ACOXL: variants seen among roughly 807,000 people sequenced by gnomAD.
The protein encoded by ACOXL is acyl-coenzyme A oxidase-like protein.
A neutral mutation model predicts 71.9 loss-of-function variants in ACOXL; 70 were observed. That is an observed-to-expected ratio of 0.97 (90% CI 0.80 to 1.19). The LOEUF is 1.19. Ranked by LOEUF, ACOXL falls within the 50% of genes most tolerant of loss-of-function variation. The pLI, the probability that ACOXL is intolerant of heterozygous loss-of-function variation, is 0.00. For synonymous variants in ACOXL, 253 were observed against 281.6 expected (o/e 0.90, Z 1.02); for missense variants, 703 against 736.3 (o/e 0.95, Z 0.52).
chr2:110,872,834 T>C (rs1695437950), intron 10 of ACOXL, among the ~76,000 whole-genome samples: 1 of 152,182 alleles, frequency 6.6e-6, no homozygotes, highest in Non-Finnish European at 1.5e-5. Context: ...AGGGGCTGCT[T>C]GTTAGCAAAC....
At chr2:110,990,832 C>A (rs1247102491) in intron 13 of ACOXL, among the ~76,000 whole-genome samples, 2 of 152,154 alleles carry the variant, frequency 1.3e-5, no homozygotes, top group Non-Finnish European at 2.9e-5. Context: ...ACTACCCTTG[C>A]ATGCTTAAGA....
At chr2:111,071,846 G>T (rs551835975) in intron 16 of ACOXL, among the ~76,000 whole-genome samples, 2 of 152,288 alleles carry the variant, frequency 1.3e-5, no homozygotes, top group South Asian at 4.1e-4. Flanking sequence ...TTCCACAAAT[G>T]CACACTGAGC....
At chr2:110,828,207 A>G (rs566459182) in intron 9 of ACOXL, among the ~76,000 whole-genome samples, 1 of 152,292 alleles carries the variant, frequency 6.6e-6, no homozygotes, top group East Asian at 1.9e-4. Flanking sequence ...CCTGAGCTCA[A>G]GCAATCCACC....
Position 110,801,671 on chromosome 2 carries a change from TGG to T in ACOXL, c.569_570del (p.Gly190AspfsTer5), listed in dbSNP as rs1686021077. The T allele has an allele frequency of 6.2e-7, 1 of 1,614,018 alleles. No individual in the cohort carries two copies. Among genetic ancestry groups the T allele is most frequent in the African/African-American group, 1.3e-5 (1 of 74,914 alleles). ...YKEGLHGVDN[G>X]ILIFDKVRIP... is the part of the protein sequence containing the mutation. The stretch of plus-strand genomic sequence containing the variant: ...TGCCAGGTCTGCATGGTGTGGACAA[TGG>T]GATATTAATATTTGACAAGGTTCGG... On this transcript the variant is annotated frameshift_variant, in exon 8 of 18. Coordinates refer to ENST00000439055, the MANE Select transcript of ACOXL (RefSeq NM_001142807.4). LOFTEE classifies it high-confidence loss of function.
intron 17 of ACOXL, among the ~76,000 whole-genome samples, chr2:111,111,296 C>T (rs962378094): frequency 6.6e-6 from 1 of 151,736 alleles, no homozygotes; most frequent in African/African-American, 2.4e-5. Context: ...GATGGGGTTT[C>T]ACCATGTTGC....
At chr2:111,108,083 A>G (rs2069670116) in intron 17 of ACOXL, among the ~76,000 whole-genome samples, 1 of 152,114 alleles carries the variant, frequency 6.6e-6, no homozygotes, top group Admixed American at 6.5e-5. Context: ...GAAAGAGTTG[A>G]CCTTTCTATG....
intron 10 of ACOXL, among the ~76,000 whole-genome samples, chr2:110,901,854 C>T (rs1329109910): frequency 6.6e-6 from 1 of 151,468 alleles, no homozygotes; most frequent in Non-Finnish European, 1.5e-5. Flanking sequence ...GGTGAAACCC[C>T]ATCTCTACTA....
At chr2:111,104,248 G>T (rs1433121039) in intron 17 of ACOXL, among the ~76,000 whole-genome samples, 3 of 152,100 alleles carry the variant, frequency 2.0e-5, no homozygotes, top group Non-Finnish European at 4.4e-5. Flanking sequence ...TATGTGGATT[G>T]TTTTCAGCTT....
chr2:110,784,419 AC>A (rs1239631592), intron 2 of ACOXL, among the ~76,000 whole-genome samples: 1 of 152,176 alleles, frequency 6.6e-6, no homozygotes, highest in African/African-American at 2.4e-5. Context: ...GGAGGGACAA[AC>A]CTGGAGAAAG....
At chr2:110,876,720 G>A (rs780876159) in intron 10 of ACOXL, among the ~76,000 whole-genome samples, 15 of 152,120 alleles carry the variant, frequency 9.9e-5, no homozygotes, top group East Asian at 3.9e-4. Flanking sequence ...CAGACGGGTC[G>A]GAATCAATGA....
At chr2:110,882,897 T>C (rs1292096109) in intron 10 of ACOXL, among the ~76,000 whole-genome samples, 1 of 152,224 alleles carries the variant, frequency 6.6e-6, no homozygotes, top group African/African-American at 2.4e-5. Flanking sequence ...AAAAGACCCA[T>C]GTTAACAAAG....
intron 11 of ACOXL, among the ~76,000 whole-genome samples, chr2:110,911,738 A>G (rs924082354): frequency 9.9e-5 from 15 of 152,098 alleles, no homozygotes; most frequent in Non-Finnish European, 1.5e-5. Context: ...CATCTGTGAA[A>G]AACCCACAGT....
chr2:110,737,458 T>G (rs1380154318), intron 1 of ACOXL, among the ~76,000 whole-genome samples: 1 of 152,232 alleles, frequency 6.6e-6, no homozygotes, highest in African/African-American at 2.4e-5. Flanking sequence ...GTGTTCACAT[T>G]GTTATTGCTA....
At chr2:111,081,998 A>C (rs2067949283) in intron 16 of ACOXL, among the ~76,000 whole-genome samples, 2 of 152,238 alleles carry the variant, frequency 1.3e-5, no homozygotes, top group African/African-American at 4.8e-5. Context: ...CCCCTTGCTT[A>C]CACTTTATAC....
intron 1 of ACOXL, among the ~76,000 whole-genome samples, chr2:110,736,227 A>G (rs1320763308): frequency 1.3e-5 from 2 of 152,166 alleles, no homozygotes; most frequent in Non-Finnish European, 2.9e-5. Context: ...GTGGCAAAAT[A>G]CACACTATAT....
chr2:110,939,506 C>T (rs1210662857), intron 12 of ACOXL, among the ~76,000 whole-genome samples: 1 of 152,114 alleles, frequency 6.6e-6, no homozygotes, highest in African/African-American at 2.4e-5. Context: ...TTTTCATAGC[C>T]GGTACCATTT....
chr2:110,757,764 T>C (rs1467547967), intron 1 of ACOXL, among the ~76,000 whole-genome samples: 1 of 152,048 alleles, frequency 6.6e-6, no homozygotes, highest in Non-Finnish European at 1.5e-5. Context: ...CTTGTCAATT[T>C]GTTTAAGTTC....
At chr2:110,932,749 G>T (rs2060522009) in intron 11 of ACOXL, among the ~76,000 whole-genome samples, 2 of 152,188 alleles carry the variant, frequency 1.3e-5, no homozygotes, top group Admixed American at 1.3e-4. Flanking sequence ...CTTTGTGCTG[G>T]GTCAAGGGGT....
intron 3 of ACOXL, 49 bp from the exon 4 acceptor site, chr2:110,793,601 T>G (rs1684919896): frequency 8.4e-6 from 13 of 1,546,146 alleles, no homozygotes; most frequent in Non-Finnish European, 1.1e-5. Context: ...TAATTGTCTT[T>G]AGATTGCTGA....
Sources: gnomAD v4.1 joint callset for allele counts (sites outside exome capture counted in the v4.1 genomes callset) on GRCh38, gnomAD v4.1.1 for gene constraint, MANE v1.5 for transcripts, NCBI Gene and HGNC (gene_info 2026-07-23, HGNC 2026-07-21) for gene names.